Variants in CDH18 observed in about 807,000 individuals in gnomAD.
CDH18 encodes the protein cadherin-18.
CDH18 carries 31 observed loss-of-function variants against 67.9 expected under a neutral mutation model. That is an observed-to-expected ratio of 0.46 (90% CI 0.34 to 0.62). The LOEUF is 0.62. CDH18 is among the 20% of genes least tolerant of loss of function. CDH18 has a pLI of 0.01. For missense variants in CDH18, 890 were observed against 975.5 expected, an observed-to-expected ratio of 0.91 and a Z score of 1.17; for synonymous variants, 362 against 347.2, an observed-to-expected ratio of 1.04 and a Z score of -0.48.
rs547788435 is a variant in CDH18, at chr5:20,388,695, T to C, written c.-579-133190A>G. ...ATTTTAGATCTTTCCTGCTTTCTCT[T>C]GTGGGCATTTAGTGCTATAAATTTC... On this transcript the variant is annotated intron_variant, in intron 1 of 14. Coordinates refer to the CDH18 transcript ENST00000507958. 2.0e-4 allele frequency among the ~76,000 whole-genome samples: 31 copies of C among 152,328 alleles called. No homozygotes were observed. The South Asian group carries it at 6.4e-3, about 32-fold the overall frequency.
chr5:20,039,092 CA>C (rs34370068), intron 2 of CDH18, among the ~76,000 whole-genome samples: 115,269 of 151,836 alleles, frequency 0.76, 46,798 homozygotes, highest in Non-Finnish European at 0.9. Flanking sequence ...CTCCCATTCG[CA>C]ATTGCTACGA....
intron 1 of CDH18, among the ~76,000 whole-genome samples, chr5:20,563,842 T>TTA (rs1758352557): frequency 6.6e-6 from 1 of 152,172 alleles, no homozygotes; most frequent in African/African-American, 2.4e-5. Context: ...TAAACTCATA[T>TTA]TATTAGCCAA....
At chr5:20,197,369 C>T (rs888414436) in intron 2 of CDH18, among the ~76,000 whole-genome samples, 1 of 152,114 alleles carries the variant, frequency 6.6e-6, no homozygotes, top group East Asian at 1.9e-4. Flanking sequence ...TAAATGAATA[C>T]AATGTTCTAG....
At chr5:19,742,251 G>A (rs750584331) in intron 4 of CDH18, among the ~76,000 whole-genome samples, 1 of 152,058 alleles carries the variant, frequency 6.6e-6, no homozygotes, top group Non-Finnish European at 1.5e-5. Context: ...AGCAAGAGAT[G>A]CAAGAAACAA....
chr5:19,683,908 C>T (rs1760694048), intron 5 of CDH18, among the ~76,000 whole-genome samples: 1 of 152,092 alleles, frequency 6.6e-6, no homozygotes, highest in African/African-American at 2.4e-5. Flanking sequence ...GTGCCTGCAT[C>T]GCCAGGAAAC....
At chr5:20,182,525 C>G (rs1737767222) in intron 2 of CDH18, among the ~76,000 whole-genome samples, 1 of 149,864 alleles carries the variant, frequency 6.7e-6, no homozygotes, top group Non-Finnish European at 1.5e-5. Context: ...TTGCATGAAC[C>G]CACAAGGCAG....
intron 1 of CDH18, among the ~76,000 whole-genome samples, chr5:20,477,867 A>G (rs940943508): frequency 6.6e-6 from 1 of 152,120 alleles, no homozygotes; most frequent in Non-Finnish European, 1.5e-5. Flanking sequence ...GGAGGAGAGG[A>G]GAGGACAGAT....
At chr5:19,936,431 T>C (rs1442162238) in intron 2 of CDH18, among the ~76,000 whole-genome samples, 1 of 151,306 alleles carries the variant, frequency 6.6e-6, no homozygotes, top group African/African-American at 2.4e-5. Flanking sequence ...CCTGAACTAC[T>C]CTGAATTTTA....
intron 3 of CDH18, among the ~76,000 whole-genome samples, chr5:19,801,944 C>T (rs1171042439): frequency 6.6e-6 from 1 of 151,950 alleles, no homozygotes; most frequent in Non-Finnish European, 1.5e-5. Context: ...TAAATGTTTA[C>T]TAAAATTGTA....
chr5:19,774,888 G>A lies in CDH18; in HGVS notation c.229-27652C>T, dbSNP rs183353855. Among the ~76,000 whole-genome samples, 5 of 139,338 alleles carry A rather than the reference G, an allele frequency of 3.6e-5. No homozygotes were observed. The East Asian group carries it at 1.1e-3, about 31-fold the overall frequency. 91.4% of individuals were successfully genotyped at this position (139,338 alleles called of 152,430 possible). A position where few individuals can be genotyped will look rare whatever the true frequency, so the allele number is the denominator to read the frequency against. Reference sequence around the variant, plus strand: ...ATGGGAGAGTATACAAGTGTAAGTTGGCAGTCTACAATTCAGAAAAGGACC... The same window carrying A: ...ATGGGAGAGTATACAAGTGTAAGTTAGCAGTCTACAATTCAGAAAAGGACC... On this transcript the variant is annotated intron_variant, in intron 3 of 12. Coordinates refer to ENST00000382275, the MANE Select transcript of CDH18 (RefSeq NM_004934.5).
At chr5:20,065,485 C>T (rs543715543) in intron 2 of CDH18, among the ~76,000 whole-genome samples, 7 of 152,046 alleles carry the variant, frequency 4.6e-5, no homozygotes, top group South Asian at 4.1e-4. Flanking sequence ...TATTATAACA[C>T]GGCTTCACTT....
At chr5:20,429,375 A>C (rs562630816) in intron 1 of CDH18, among the ~76,000 whole-genome samples, 4 of 152,246 alleles carry the variant, frequency 2.6e-5, no homozygotes, top group Admixed American at 2.0e-4. Context: ...TAGAAGGAAA[A>C]GTCATTGTAT....
intron 5 of CDH18, among the ~76,000 whole-genome samples, chr5:19,670,324 A>C (rs1322263991): frequency 6.6e-6 from 1 of 152,156 alleles, no homozygotes; most frequent in East Asian, 1.9e-4. Flanking sequence ...AGCAACAGAA[A>C]ATTCTGTTAG....
chr5:20,221,342 A>G (rs1457647965), intron 2 of CDH18, among the ~76,000 whole-genome samples: 1 of 152,140 alleles, frequency 6.6e-6, no homozygotes, highest in Non-Finnish European at 1.5e-5. Flanking sequence ...ATATTATGTT[A>G]AGTGAAATAA....
At chr5:20,315,945 G>C (rs144695609) in intron 1 of CDH18, among the ~76,000 whole-genome samples, 2 of 152,026 alleles carry the variant, frequency 1.3e-5, no homozygotes, top group African/African-American at 4.8e-5. Flanking sequence ...CTAGAACTAA[G>C]AATAGTGCCT....
At chr5:20,125,444 A>G (rs1748743205) in intron 2 of CDH18, among the ~76,000 whole-genome samples, 1 of 152,124 alleles carries the variant, frequency 6.6e-6, no homozygotes, top group African/African-American at 2.4e-5. Context: ...TATTCATCTT[A>G]TATGTAGAAT....
At chr5:20,101,703 G>T (rs1236662452) in intron 2 of CDH18, among the ~76,000 whole-genome samples, 1 of 152,178 alleles carries the variant, frequency 6.6e-6, no homozygotes, top group African/African-American at 2.4e-5. Context: ...AACCATAGAG[G>T]TATTGCCAGT....
chr5:19,788,539 C>T (rs562336445), intron 3 of CDH18, among the ~76,000 whole-genome samples: 4 of 152,148 alleles, frequency 2.6e-5, no homozygotes, highest in African/African-American at 7.2e-5. Context: ...TGTATATCCA[C>T]TCAAACTTGC....
At chr5:19,654,094 C>T (rs181875224) in intron 5 of CDH18, among the ~76,000 whole-genome samples, 5 of 152,196 alleles carry the variant, frequency 3.3e-5, no homozygotes. Context: ...TTTGTTTAGT[C>T]CCCAGCCTTT....
Sources: gnomAD v4.1 joint callset for allele counts (sites outside exome capture counted in the v4.1 genomes callset) on GRCh38, gnomAD v4.1.1 for gene constraint, MANE v1.5 for transcripts, NCBI Gene and HGNC (gene_info 2026-07-23, HGNC 2026-07-21) for gene names.